The following SUGCT variants were observed in gnomAD, a reference collection of about 807,000 sequenced individuals.
The protein encoded by SUGCT is succinyl-CoA:glutarate-CoA transferase, also known as succinyl-CoA:glutarate CoA-transferase.
In SUGCT, 41 loss-of-function variants were observed where a neutral mutation model predicts 55.0. The observed-to-expected ratio is 0.74, with a 90% CI of 0.58 to 0.97. The LOEUF (loss-of-function observed/expected upper bound fraction) is 0.97, where lower values mean the gene tolerates loss of function less well. SUGCT is among the 50% of genes least tolerant of loss of function. The pLI is 0.00. For missense variants in SUGCT, 568 were observed against 547.8 expected, an observed-to-expected ratio of 1.04 and a Z score of -0.37; for synonymous variants, 187 against 200.4, an observed-to-expected ratio of 0.93 and a Z score of 0.56.
At chr7:40,948,318 G>A in the SUGCT span, among the ~76,000 whole-genome samples, 1,621 of 152,254 alleles carry the variant, frequency 0.011, 13 homozygotes, top group Non-Finnish European at 0.017. Context: ...GATCACTAAA[G>A]CAACTTTCAA....
intron 12 of SUGCT, among the ~76,000 whole-genome samples, chr7:40,736,728 A>G (rs959148983): frequency 4.6e-5 from 7 of 152,118 alleles, no homozygotes; most frequent in African/African-American, 1.4e-4. Context: ...TTAGAAATGT[A>G]CAACCAATAC....
intron 9 of SUGCT, among the ~76,000 whole-genome samples, chr7:40,319,753 A>C (rs980854974): frequency 3.3e-5 from 5 of 152,310 alleles, no homozygotes; most frequent in African/African-American, 1.2e-4. Flanking sequence ...AAACGTAGAC[A>C]GAGCTGACAT....
At chr7:40,203,009 T>G (rs1403289590) in intron 6 of SUGCT, among the ~76,000 whole-genome samples, 1 of 152,212 alleles carries the variant, frequency 6.6e-6, no homozygotes, top group Non-Finnish European at 1.5e-5. Context: ...ATGCCACAGG[T>G]GCTTAGGTAA....
At chr7:40,226,190 A>G (rs575455667) in intron 6 of SUGCT, among the ~76,000 whole-genome samples, 4 of 152,310 alleles carry the variant, frequency 2.6e-5, no homozygotes, top group African/African-American at 7.2e-5. Flanking sequence ...GAAAGTAACT[A>G]TCTGTAGGTT....
chr7:40,292,156 T>C (rs185988073), intron 8 of SUGCT, among the ~76,000 whole-genome samples: 1 of 152,348 alleles, frequency 6.6e-6, no homozygotes, highest in Admixed American at 6.5e-5. Flanking sequence ...ATACATACAT[T>C]CTGTACAAAT....
the SUGCT span, among the ~76,000 whole-genome samples, chr7:41,023,088 T>G: frequency 6.6e-6 from 1 of 152,170 alleles, no homozygotes; most frequent in Non-Finnish European, 1.5e-5. Context: ...TGTGCCAGTT[T>G]GGGATGGAAA....
Position 40,706,507 on chromosome 7 carries a change from A to G in SUGCT, c.1090-42927A>G, listed in dbSNP as rs552640475. Among the ~76,000 whole-genome samples the G allele has an allele frequency of 4.2e-3, 636 of 152,222 alleles. 6 individuals are homozygous for G. Among genetic ancestry groups the G allele is most frequent in the Middle Eastern group, 6.8e-3 (2 of 294 alleles). Reference sequence around the variant, plus strand: ...AGCGACAGAGCGAGACTCTGTCTCAAAAAAAAGAAGAGAAAAGTCAGCATG... The same window carrying G: ...AGCGACAGAGCGAGACTCTGTCTCAGAAAAAAGAAGAGAAAAGTCAGCATG... On this transcript the variant is annotated intron_variant, in intron 12 of 13. Transcript: ENST00000335693.
rs199711776 is a variant in SUGCT at position 40,330,694 on chromosome 7, T to C, written c.816+13839T>C. ...TTCCTCTTCTGGATGGGGGGGCATT[T>C]ATTTACTTTATATCACTAAATGCGT... On this transcript the variant is annotated intron_variant, in intron 9 of 13. Coordinates refer to ENST00000335693, the MANE Select transcript of SUGCT (RefSeq NM_001193313.2). Among the ~76,000 whole-genome samples the C allele has an allele frequency of 4.7e-4, 7 of 14,786 alleles. No homozygotes were observed. In the Admixed American group the frequency reaches 6.9e-3, roughly 15 times the overall value. The allele number at this position is 14,786 out of a possible 152,430, so 9.7% of individuals were successfully genotyped here. A position where few individuals can be genotyped will look rare whatever the true frequency, so the allele number is the denominator to read the frequency against.
chr7:40,767,875 T>C (rs1788884873), intron 13 of SUGCT, among the ~76,000 whole-genome samples: 1 of 152,152 alleles, frequency 6.6e-6, no homozygotes, highest in Non-Finnish European at 1.5e-5. Flanking sequence ...TCATTGATTT[T>C]CCCATATCCT....
chr7:40,566,079 T>C (rs1299373392), intron 12 of SUGCT, among the ~76,000 whole-genome samples: 5 of 152,010 alleles, frequency 3.3e-5, no homozygotes, highest in African/African-American at 1.2e-4. Flanking sequence ...ACTCAGTGAA[T>C]ATGTGTGTTT....
At chr7:40,963,387 A>G in the SUGCT span, among the ~76,000 whole-genome samples, 2 of 152,190 alleles carry the variant, frequency 1.3e-5, no homozygotes, top group Non-Finnish European at 2.9e-5. Context: ...TTCCCAATGC[A>G]GCAAATGCAT....
intron 9 of SUGCT, among the ~76,000 whole-genome samples, chr7:40,438,959 TTATAATATAC>T (rs1240145719): frequency 6.1e-5 from 9 of 147,564 alleles, no homozygotes; most frequent in African/African-American, 2.2e-4. Flanking sequence ...TATATAATAA[TTATAATATAC>T]TATAATATAC....
chr7:40,394,144 C>T lies in SUGCT; in HGVS notation c.817-55143C>T, dbSNP rs369600195. On this transcript the variant is annotated intron_variant, in intron 9 of 13. Coordinates refer to ENST00000335693, the MANE Select transcript of SUGCT (RefSeq NM_001193313.2). ...TTTCTTTATAGCAGTGGTTTTGAGA[C>T]TTGACTGCTCACAGGTGTTACTTGT... Among the ~76,000 whole-genome samples the T allele has an allele frequency of 1.1e-4, 17 of 152,182 alleles. No individual in the cohort carries two copies. The South Asian group carries it at 1.4e-3, about 13-fold the overall frequency.
At chr7:41,011,040 G>A in the SUGCT span, among the ~76,000 whole-genome samples, 1 of 152,174 alleles carries the variant, frequency 6.6e-6, no homozygotes, top group African/African-American at 2.4e-5. Flanking sequence ...CCCTTTGAAG[G>A]GTTTGGACAT....
intron 11 of SUGCT, among the ~76,000 whole-genome samples, chr7:40,461,357 C>T (rs17171715): frequency 0.13 from 19,835 of 152,030 alleles, 3,214 homozygotes; most frequent in African/African-American, 0.38. Context: ...GCCTGGCATG[C>T]GGTGTCTTCC....
chr7:40,238,077 T>A (rs567440387), intron 7 of SUGCT, among the ~76,000 whole-genome samples: 10 of 152,300 alleles, frequency 6.6e-5, no homozygotes, highest in Admixed American at 2.0e-4. Flanking sequence ...TTAGGAATAT[T>A]CCCTCTTTGA....
At chr7:40,446,843 G>C (rs1469678891) in intron 9 of SUGCT, among the ~76,000 whole-genome samples, 3 of 152,168 alleles carry the variant, frequency 2.0e-5, no homozygotes, top group Non-Finnish European at 4.4e-5. Context: ...GAAGTACTCT[G>C]TGTCTGTGCT....
chr7:40,250,540 CATCAAT>C (rs1790298799), intron 7 of SUGCT, among the ~76,000 whole-genome samples: 1 of 151,990 alleles, frequency 6.6e-6, no homozygotes, highest in Admixed American at 6.6e-5. Flanking sequence ...AGTTGGTAAG[CATCAAT>C]GTTGACATCT....
intron 7 of SUGCT, among the ~76,000 whole-genome samples, chr7:40,255,744 A>G (rs1343326100): frequency 1.4e-5 from 2 of 139,250 alleles, no homozygotes; most frequent in Non-Finnish European, 3.1e-5. Context: ...ATTTTCCTTT[A>G]TTTGTAATCT....
Sources: allele counts gnomAD v4.1 joint callset (sites outside exome capture counted in the v4.1 genomes callset), GRCh38; gene constraint gnomAD v4.1.1; transcripts MANE v1.5; gene names NCBI Gene and HGNC (gene_info 2026-07-23, HGNC 2026-07-21).